SLC44A5: variants seen among roughly 807,000 people sequenced by gnomAD.
SLC44A5 encodes the protein solute carrier family 44 member 5, also known as choline transporter-like protein 5.
Under a neutral mutation model 101.8 loss-of-function variants are expected in SLC44A5, and 57 were observed. The observed-to-expected ratio is 0.56, with a 90% CI of 0.45 to 0.70. The LOEUF is 0.70. Among genes scored for constraint, SLC44A5 ranks in the 30% least tolerant of loss-of-function variants. The pLI, the probability that SLC44A5 is intolerant of heterozygous loss-of-function variation, is 0.00. For synonymous variants in SLC44A5, 281 were observed against 290.9 expected, an observed-to-expected ratio of 0.97 and a Z score of 0.35; for missense variants, 737 against 853.1, an observed-to-expected ratio of 0.86 and a Z score of 1.70.
At chr1:75,540,113 C>T (rs1381004860) in intron 2 of SLC44A5, among the ~76,000 whole-genome samples, 1 of 152,094 alleles carries the variant, frequency 6.6e-6, no homozygotes, top group African/African-American at 2.4e-5. Context: ...ATTAAATTCA[C>T]CTAACCCTTT....
At chr1:75,594,156 A>C (rs1321703471) in intron 1 of SLC44A5, among the ~76,000 whole-genome samples, 3 of 151,908 alleles carry the variant, frequency 2.0e-5, no homozygotes, top group Admixed American at 6.6e-5. Flanking sequence ...TAAATAAAAC[A>C]CTTAAGATCT....
At chr1:75,444,483 G>GAAAGAAAGAAAGAAAGAAAGAAGA (rs1553181287) in intron 2 of SLC44A5, among the ~76,000 whole-genome samples, 3 of 140,656 alleles carry the variant, frequency 2.1e-5, no homozygotes, top group African/African-American at 8.0e-5. Context: ...GAGAAAGAAA[G>GAAAGAAAGAAAGAAAGAAAGAAGA]AAGAAAGAAA....
chr1:75,675,115 G>A, the SLC44A5 span, among the ~76,000 whole-genome samples: 3 of 152,056 alleles, frequency 2.0e-5, no homozygotes, highest in East Asian at 1.9e-4. Flanking sequence ...GGTTTCATAC[G>A]AATTTTAAAA....
At chr1:75,466,416 G>A (rs951114656) in intron 2 of SLC44A5, among the ~76,000 whole-genome samples, 1 of 152,152 alleles carries the variant, frequency 6.6e-6, no homozygotes, top group African/African-American at 2.4e-5. Flanking sequence ...CAGCACTTTG[G>A]CAGGCCGAGG....
At chr1:75,296,954 T>C (rs1042119022) in intron 5 of SLC44A5, among the ~76,000 whole-genome samples, 1 of 152,166 alleles carries the variant, frequency 6.6e-6, no homozygotes, top group African/African-American at 2.4e-5. Flanking sequence ...TGACTGGGGC[T>C]TCAGAAAACC....
At chr1:75,564,665 G>C (rs1254642528) in intron 1 of SLC44A5, among the ~76,000 whole-genome samples, 1 of 130,712 alleles carries the variant, frequency 7.7e-6, no homozygotes, top group Non-Finnish European at 1.6e-5. Flanking sequence ...TGTCGCCCAG[G>C]CTGGAGTGCA....
At chr1:75,220,616 C>A (rs960003670) in intron 14 of SLC44A5, among the ~76,000 whole-genome samples, 8 of 151,734 alleles carry the variant, frequency 5.3e-5, no homozygotes, top group African/African-American at 1.9e-4. Flanking sequence ...ATAATAATTT[C>A]TTTGATATTT....
intron 4 of SLC44A5, among the ~76,000 whole-genome samples, chr1:75,301,143 A>G (rs1654420708): frequency 6.6e-6 from 1 of 152,156 alleles, no homozygotes; most frequent in African/African-American, 2.4e-5. Flanking sequence ...GATTGACTAC[A>G]TTAACTTTCT....
Position 75,527,154 on chromosome 1 carries a change from A to AT in SLC44A5, c.13+14280_13+14281insA, listed in dbSNP as rs374292250. 9.5e-4 allele frequency among the ~76,000 whole-genome samples: 140 copies of AT among 147,484 alleles called. 1 individual carries two copies. Among genetic ancestry groups the AT allele is most frequent in the African/African-American group, 3.5e-3 (133 of 37,650 alleles). Reference sequence around the variant, plus strand: ...TGTCGCAAAAAAAAAGAAAAAAAAAAGAAAAGAAAAGAAAAAGAAAAGGAA... The same window carrying AT: ...TGTCGCAAAAAAAAAGAAAAAAAAAATGAAAAGAAAAGAAAAAGAAAAGGAA... On this transcript the variant is annotated intron_variant, in intron 2 of 23. Coordinates refer to ENST00000370859, the MANE Select transcript of SLC44A5 (RefSeq NM_001130058.2).
chr1:75,423,801 A>C (rs2101570475), intron 2 of SLC44A5, among the ~76,000 whole-genome samples: 1 of 152,376 alleles, frequency 6.6e-6, no homozygotes, highest in Admixed American at 6.5e-5. Flanking sequence ...ATACACTTGC[A>C]TACCCATTAA....
chr1:75,540,675 T>A (rs1671310134), intron 2 of SLC44A5, among the ~76,000 whole-genome samples: 1 of 152,250 alleles, frequency 6.6e-6, no homozygotes, highest in African/African-American at 2.4e-5. Flanking sequence ...TTCTGTATTT[T>A]CTACTTTAAC....
chr1:75,327,645 C>T (rs1056797113), intron 4 of SLC44A5, among the ~76,000 whole-genome samples: 16 of 152,120 alleles, frequency 1.1e-4, no homozygotes, highest in Non-Finnish European at 1.6e-4. Flanking sequence ...ATATCCTAAT[C>T]CCTTATTTAA....
chr1:75,683,693 A>C, the SLC44A5 span, among the ~76,000 whole-genome samples: 2 of 152,094 alleles, frequency 1.3e-5, no homozygotes, highest in African/African-American at 4.8e-5. Flanking sequence ...CCAGCATGGC[A>C]CATGTATACG....
chr1:75,441,846 A>T (rs997708613), intron 2 of SLC44A5, among the ~76,000 whole-genome samples: 1 of 152,130 alleles, frequency 6.6e-6, no homozygotes, highest in East Asian at 1.9e-4. Flanking sequence ...GGAGATTTTG[A>T]CATGCTTTAA....
the SLC44A5 span, among the ~76,000 whole-genome samples, chr1:75,658,746 A>C: frequency 6.6e-6 from 1 of 152,126 alleles, no homozygotes; most frequent in Non-Finnish European, 1.5e-5. Context: ...AACAAACCCA[A>C]AATTAGTAGA....
chr1:75,641,420 G>A, the SLC44A5 span: 3 of 1,127,196 alleles, frequency 2.7e-6, no homozygotes, highest in South Asian at 1.2e-5. Context: ...GCTTTGTGGA[G>A]AATAAGCACT....
At chr1:75,405,640 G>A (rs368831483) in intron 2 of SLC44A5, among the ~76,000 whole-genome samples, 14 of 152,208 alleles carry the variant, frequency 9.2e-5, no homozygotes, top group Admixed American at 8.5e-4. Context: ...CAGAAATAAT[G>A]AAGTTCTTTG....
At chr1:75,458,292 A>G (rs1250710272) in intron 2 of SLC44A5, among the ~76,000 whole-genome samples, 1 of 152,234 alleles carries the variant, frequency 6.6e-6, no homozygotes, top group Non-Finnish European at 1.5e-5. Flanking sequence ...GGGGGCATAA[A>G]GCATGAAGAA....
chr1:75,233,439 TCCCACACATTATTTAG>T (rs1647777974), intron 12 of SLC44A5, among the ~76,000 whole-genome samples: 2 of 151,856 alleles, frequency 1.3e-5, no homozygotes, highest in African/African-American at 4.8e-5. Flanking sequence ...ATTATTTAGC[TCCCACACATTATTTAG>T]CTCCCACAGA....
Sources: gnomAD v4.1 joint callset for allele counts (sites outside exome capture counted in the v4.1 genomes callset) on GRCh38, gnomAD v4.1.1 for gene constraint, MANE v1.5 for transcripts, NCBI Gene and HGNC (gene_info 2026-07-23, HGNC 2026-07-21) for gene names.